Variants in DLC1 observed in about 807,000 individuals in gnomAD.
DLC1 encodes DLC1 Rho GTPase activating protein.
Under a neutral mutation model 140.3 loss-of-function variants are expected in DLC1, and 54 were observed. That is an observed-to-expected ratio of 0.38 (90% CI 0.31 to 0.48). The LOEUF (loss-of-function observed/expected upper bound fraction) is 0.48. Among genes scored for constraint, DLC1 ranks in the 20% least tolerant of loss-of-function variants. DLC1 has a pLI of 0.96. For synonymous variants in DLC1, 986 were observed against 728.1 expected (o/e 1.35, Z -5.70); for missense variants, 2,536 against 1,907.0 (o/e 1.33, Z -6.14).
At chr8:13,408,039 C>A (rs1837639932) in intron 2 of DLC1, among the ~76,000 whole-genome samples, 1 of 152,114 alleles carries the variant, frequency 6.6e-6, no homozygotes, top group East Asian at 1.9e-4. Context: ...CAGTAAGAAG[C>A]TAACGATAAT....
chr8:13,374,755 C>T (rs1048633176), intron 4 of DLC1, among the ~76,000 whole-genome samples: 3 of 152,174 alleles, frequency 2.0e-5, no homozygotes, highest in African/African-American at 4.8e-5. Context: ...GCACTCCAGT[C>T]TGGGTGACAG....
chr8:13,279,201 T>C (rs1482733090), intron 5 of DLC1, among the ~76,000 whole-genome samples: 1 of 152,128 alleles, frequency 6.6e-6, no homozygotes, highest in Non-Finnish European at 1.5e-5. Context: ...CTATGGAAAT[T>C]AAAGGCAATG....
At chr8:13,205,464 C>T (rs1163790880) in intron 5 of DLC1, among the ~76,000 whole-genome samples, 3 of 152,036 alleles carry the variant, frequency 2.0e-5, no homozygotes, top group African/African-American at 7.2e-5. Context: ...ATGAGTTGGC[C>T]AAGTCTCTCT....
intron 4 of DLC1, among the ~76,000 whole-genome samples, chr8:13,362,704 T>A (rs1386282189): frequency 1.3e-5 from 2 of 152,160 alleles, no homozygotes; most frequent in African/African-American, 4.8e-5. Flanking sequence ...ACAATAAAAC[T>A]CAAATTTACC....
chr8:13,329,158 A>G (rs1380871865), intron 4 of DLC1, among the ~76,000 whole-genome samples: 1 of 152,240 alleles, frequency 6.6e-6, no homozygotes, highest in Non-Finnish European at 1.5e-5. Context: ...GGAGTGGCTC[A>G]TCACAGTCTA....
intron 2 of DLC1, among the ~76,000 whole-genome samples, chr8:13,415,238 TA>T (rs1837996917): frequency 6.6e-6 from 1 of 152,186 alleles, no homozygotes; most frequent in Non-Finnish European, 1.5e-5. Flanking sequence ...ATAAATTAAA[TA>T]AATCACTATT....
At position 13,203,148 on chromosome 8, in the gene DLC1, G is replaced by A. The variant is rs1260317748; in HGVS notation, c.1349-87491C>T. ...TGTCTTGCCTTAAATTTAAGATAGT[G>A]TTGACTTCATGGTATCTAGGTTGTG... On this transcript the variant is annotated intron_variant, in intron 5 of 17. Transcript: ENST00000276297. 4.6e-5 allele frequency among the ~76,000 whole-genome samples: 7 copies of A among 152,264 alleles called. No individual in the cohort carries two copies. In the East Asian group the frequency reaches 1.4e-3, roughly 29 times the overall value.
rs145032021 is a variant in DLC1 at position 13,189,936 on chromosome 8, C to A, written c.1349-74279G>T. On this transcript the variant is annotated intron_variant, in intron 5 of 17. Coordinates refer to ENST00000276297, the MANE Select transcript of DLC1 (RefSeq NM_182643.3). ...GCCCTGGCTTCCCACAAAGCCAGAG[C>A]CTTCAGCCAGGTGAGAGAGAGCCCA... is the stretch of plus-strand genomic sequence containing the variant. Among the ~76,000 whole-genome samples the A allele has an allele frequency of 8.5e-3, 1,297 of 151,838 alleles. 21 individuals are homozygous for A. Among genetic ancestry groups the A allele is most frequent in the African/African-American group, 0.029 (1,211 of 41,370 alleles).
intron 1 of DLC1, among the ~76,000 whole-genome samples, chr8:13,577,259 G>A (rs1563452425): frequency 2.0e-5 from 3 of 152,204 alleles, no homozygotes; most frequent in African/African-American, 2.4e-5. Context: ...TAGCTGGACA[G>A]TAGGGAGGGA....
At chr8:13,184,482 G>C (rs181344824) in intron 5 of DLC1, among the ~76,000 whole-genome samples, 1 of 152,314 alleles carries the variant, frequency 6.6e-6, no homozygotes, top group East Asian at 1.9e-4. Flanking sequence ...GTGTGCCAGA[G>C]ATTCTGGTAC....
At chr8:13,230,826 A>C (rs1829016270) in intron 5 of DLC1, among the ~76,000 whole-genome samples, 1 of 151,836 alleles carries the variant, frequency 6.6e-6, no homozygotes, top group South Asian at 2.1e-4. Context: ...CGAACTCCTG[A>C]CCTCAGGTGA....
chr8:13,170,591 A>G (rs865911540), intron 5 of DLC1, among the ~76,000 whole-genome samples: 72 of 152,136 alleles, frequency 4.7e-4, no homozygotes, highest in Middle Eastern at 3.4e-3. Context: ...TTAGCTGGGC[A>G]TGGTGGCGGG....
intron 4 of DLC1, among the ~76,000 whole-genome samples, chr8:13,329,260 T>C (rs1355653197): frequency 6.6e-6 from 1 of 152,200 alleles, no homozygotes; most frequent in Non-Finnish European, 1.5e-5. Flanking sequence ...TTTATGACTA[T>C]CTGCTGGTCC....
At chr8:13,548,114 C>G (rs1803713644) in intron 1 of DLC1, among the ~76,000 whole-genome samples, 1 of 152,020 alleles carries the variant, frequency 6.6e-6, no homozygotes, top group African/African-American at 2.4e-5. Context: ...TATATAGTGC[C>G]TAATGCCGAG....
intron 10 of DLC1, among the ~76,000 whole-genome samples, chr8:13,096,775 T>G (rs1298008271): frequency 2.0e-5 from 3 of 152,196 alleles, no homozygotes. Flanking sequence ...GTTTCCTTGC[T>G]TTGCCGACTT....
intron 4 of DLC1, among the ~76,000 whole-genome samples, chr8:13,356,884 T>G (rs745868292): frequency 1.1e-4 from 16 of 151,900 alleles, no homozygotes; most frequent in Non-Finnish European, 1.6e-4. Flanking sequence ...TATTATTATT[T>G]TTTTACTTCA....
chr8:13,102,130 T>C (rs928554212), intron 8 of DLC1, among the ~76,000 whole-genome samples: 30 of 152,350 alleles, frequency 2.0e-4, no homozygotes, highest in African/African-American at 7.2e-4. Flanking sequence ...GTCAGAAATA[T>C]GTTCTTTGAC....
chr8:13,551,047 AACACACACACACAC>A (rs1554542230), intron 1 of DLC1, among the ~76,000 whole-genome samples: 8 of 123,056 alleles, frequency 6.5e-5, no homozygotes, highest in Non-Finnish European at 1.3e-4. Flanking sequence ...GATTTCTTTA[AACACACACACACAC>A]ACACACACAC....
At chr8:13,282,167 A>G (rs1363979989) in intron 5 of DLC1, among the ~76,000 whole-genome samples, 2 of 152,148 alleles carry the variant, frequency 1.3e-5, no homozygotes, top group African/African-American at 4.8e-5. Context: ...AATTCTAGCT[A>G]TTAGTATATA....
Sources: allele counts gnomAD v4.1 joint callset (sites outside exome capture counted in the v4.1 genomes callset), GRCh38; gene constraint gnomAD v4.1.1; transcripts MANE v1.5; gene names NCBI Gene and HGNC (gene_info 2026-07-23, HGNC 2026-07-21).